Variants in ZNF713 observed in about 807,000 individuals in gnomAD.
The protein encoded by ZNF713 is zinc finger protein 713.
A neutral mutation model predicts 28.7 loss-of-function variants in ZNF713; 21 were observed. The ratio of observed to expected loss-of-function variants is 0.73; its 90% CI spans 0.52 to 1.05. The LOEUF (loss-of-function observed/expected upper bound fraction) is 1.05. Ranked by LOEUF, ZNF713 falls within the 50% of genes least tolerant of loss-of-function variation. ZNF713 has a pLI of 0.00. For missense variants in ZNF713, 458 were observed against 532.4 expected (o/e 0.86, Z 1.37); for synonymous variants, 167 against 178.0 (o/e 0.94, Z 0.49).
chr7:55,887,743 GGA>G lies in ZNF713; in HGVS notation c.-583+65_-583+66del, dbSNP rs1562731079. On this transcript the variant is annotated intron_variant, in intron 1 of 6. Coordinates refer to ENST00000429591, the MANE Select transcript of ZNF713 (RefSeq NM_182633.3). ...GAGGCGGGGGGCGGAGGCGGGGGGC[GGA>G]GGCGGGGGGCGGAGGCGGGGGGCGG... 103 of 6,374 alleles carry G rather than the reference GGA, an allele frequency of 0.016. 21 individuals are homozygous for G. The East Asian group carries it at 0.21, about 13-fold the overall frequency. 0.4% of individuals were successfully genotyped at this position (6,374 alleles called of 1,614,324 possible).
intron 1 of ZNF713, among the ~76,000 whole-genome samples, 200 bp downstream of exon 1, chr7:55,887,880 C>CGGCGGCGGCG (rs1785303522): frequency 7.1e-5 from 1 of 13,998 alleles, no homozygotes; most frequent in South Asian, 1.6e-3. Flanking sequence ...GCGGCGGCGG[C>CGGCGGCGGCG]GGCGGCGGGC....
chr7:55,907,489 A>T (rs6943341), intron 2 of ZNF713, among the ~76,000 whole-genome samples: 42,363 of 152,048 alleles, frequency 0.28, 6,220 homozygotes, highest in Middle Eastern at 0.38. Flanking sequence ...ATGGTATTCC[A>T]CGTGCAGGTT....
chr7:55,901,329 T>C (rs2116187139), intron 1 of ZNF713, among the ~76,000 whole-genome samples: 1 of 152,254 alleles, frequency 6.6e-6, no homozygotes, highest in East Asian at 1.9e-4. Flanking sequence ...TTATTCACTA[T>C]CATGAGAACA....
chr7:55,901,700 C>T lies in ZNF713; in HGVS notation c.-582-4553C>T, dbSNP rs10282090. 8.6e-3 allele frequency among the ~76,000 whole-genome samples: 1,311 copies of T among 152,264 alleles called. 21 individuals carry two copies. The highest frequency in any genetic ancestry group is 0.03 in the African/African-American group (1,250 of 41,542). On this transcript the variant is annotated intron_variant, in intron 1 of 6. Transcript: ENST00000429591. ...TGGAAGCTCTGCACCCACCAACCCT[C>T]CACCCCTTGCCCAATTTACCTCTTA...
chr7:55,903,049 G>A (rs1785607096), intron 1 of ZNF713, among the ~76,000 whole-genome samples: 1 of 150,490 alleles, frequency 6.6e-6, no homozygotes, highest in Admixed American at 6.7e-5. Context: ...GCATTGTACT[G>A]TGGTTTTGTA....
intron 6 of ZNF713, among the ~76,000 whole-genome samples, chr7:55,927,654 T>G (rs1277858511): frequency 1.3e-5 from 2 of 151,870 alleles, no homozygotes; most frequent in African/African-American, 4.8e-5. Flanking sequence ...CCCAGCACTT[T>G]GGGAGGCCGA....
chr7:55,913,202 T>C (rs1169344044), intron 4 of ZNF713, among the ~76,000 whole-genome samples: 1 of 135,194 alleles, frequency 7.4e-6, no homozygotes, highest in Non-Finnish European at 1.6e-5. Flanking sequence ...TTCCTTTTTT[T>C]TTTTTTTTTT....
At chr7:55,933,421 G>A (rs1264031085) in intron 6 of ZNF713, among the ~76,000 whole-genome samples, 2 of 151,048 alleles carry the variant, frequency 1.3e-5, no homozygotes, top group Admixed American at 1.3e-4. Flanking sequence ...TCAGCCTCCC[G>A]AGTAGCTGGG....
chr7:55,938,946 A>G (rs1489228414), intron 6 of ZNF713, 36 bp from the exon 7 acceptor site: 2 of 1,529,184 alleles, frequency 1.3e-6, no homozygotes, highest in African/African-American at 1.4e-5. Context: ...ACATGAGAAT[A>G]TTGGAAAGTA....
At chr7:55,904,875 C>T (rs1785650150) in intron 1 of ZNF713, among the ~76,000 whole-genome samples, 1 of 152,092 alleles carries the variant, frequency 6.6e-6, no homozygotes, top group South Asian at 2.1e-4. Context: ...TACAGGCATG[C>T]ACCACCACAC....
At chr7:55,938,906 T>C (rs1765927131) in intron 6 of ZNF713, 76 bp from the exon 7 acceptor site, 3 of 1,434,562 alleles carry the variant, frequency 2.1e-6, no homozygotes, top group Non-Finnish European at 2.8e-6. Context: ...TAATTCGCTG[T>C]GCAACAATTT....
intron 2 of ZNF713, among the ~76,000 whole-genome samples, chr7:55,907,749 T>C (rs4518614): frequency 0.82 from 124,925 of 152,140 alleles, 51,826 homozygotes; most frequent in East Asian, 0.95. Context: ...CTTAGGATAA[T>C]GGCCTCCAGC....
chr7:55,928,601 A>G (rs1186980670), intron 6 of ZNF713, among the ~76,000 whole-genome samples: 2 of 152,180 alleles, frequency 1.3e-5, no homozygotes, highest in African/African-American at 4.8e-5. Flanking sequence ...TTGAAGGTGG[A>G]ACAAAGGTGA....
chr7:55,923,965 T>C (rs1435574229), intron 6 of ZNF713: 1 of 247,032 alleles, frequency 4.0e-6, no homozygotes, highest in South Asian at 8.0e-5. Flanking sequence ...CACCCATAAA[T>C]ATCTTGATAT....
chr7:55,920,079 G>A (rs1206404625), intron 4 of ZNF713, among the ~76,000 whole-genome samples: 1 of 152,076 alleles, frequency 6.6e-6, no homozygotes. Flanking sequence ...ATTGAAATTA[G>A]GCCAAGTAAT....
chr7:55,908,813 A>G (rs1251832126), intron 2 of ZNF713, among the ~76,000 whole-genome samples: 1 of 152,128 alleles, frequency 6.6e-6, no homozygotes, highest in Non-Finnish European at 1.5e-5. Context: ...CAATGTCCAG[A>G]AGAGTTTTTC....
Position 55,939,256 on chromosome 7 carries a change from C to T in ZNF713, c.582C>T (p.Asn194=), listed in dbSNP as rs548132330. 7.9e-5 allele frequency: 128 copies of T among 1,614,100 alleles called. No homozygotes were observed. In the South Asian group the frequency reaches 1.3e-3, roughly 16 times the overall value. The change falls in exon 7 of 7, where the codon AAC becomes AAT. Residue 194 remains asparagine (N), a synonymous_variant. Coordinates refer to ENST00000429591, the MANE Select transcript of ZNF713 (RefSeq NM_182633.3). ...KFAENCNLNS[N]LMQQRIPSIK... ...CAGAAAACTGTAATCTGAACTCAAACCTTATGCAGCAGAGAATTCCTTCCA... is the reference window on the plus strand; with the variant it reads ...CAGAAAACTGTAATCTGAACTCAAATCTTATGCAGCAGAGAATTCCTTCCA...
chr7:55,914,517 A>G (rs1167826515), intron 4 of ZNF713, among the ~76,000 whole-genome samples: 3 of 152,218 alleles, frequency 2.0e-5, no homozygotes, highest in Non-Finnish European at 4.4e-5. Context: ...TAAAATCCAC[A>G]TCACACAACT....
chr7:55,890,450 CAAA>C (rs34844925), intron 1 of ZNF713, among the ~76,000 whole-genome samples: 35 of 116,408 alleles, frequency 3.0e-4, no homozygotes, highest in Middle Eastern at 4.8e-3. Flanking sequence ...ACTCTGTCTC[CAAA>C]AAAAAAAAAA....
Sources: gnomAD v4.1 joint callset for allele counts (sites outside exome capture counted in the v4.1 genomes callset) on GRCh38, gnomAD v4.1.1 for gene constraint, MANE v1.5 for transcripts, NCBI Gene and HGNC (gene_info 2026-07-23, HGNC 2026-07-21) for gene names.